The following PDE11A variants were observed in gnomAD, a reference collection of about 807,000 sequenced individuals.
PDE11A encodes dual 3',5'-cyclic-AMP and -GMP phosphodiesterase 11A.
In PDE11A, 100 loss-of-function variants were observed where a neutral mutation model predicts 100.5. That is an observed-to-expected ratio of 1.00 (90% CI 0.85 to 1.18). The LOEUF (loss-of-function observed/expected upper bound fraction) is 1.18. PDE11A is among the 50% of genes most tolerant of loss of function. PDE11A has a pLI of 0.00. For missense variants in PDE11A, 1,141 were observed against 1,152.6 expected, an observed-to-expected ratio of 0.99 and a Z score of 0.15; for synonymous variants, 381 against 420.8, an observed-to-expected ratio of 0.91 and a Z score of 1.16.
chr2:178,036,320 C>T (rs571510094), intron 1 of PDE11A, among the ~76,000 whole-genome samples: 5 of 151,922 alleles, frequency 3.3e-5, no homozygotes, highest in African/African-American at 9.6e-5. Flanking sequence ...CTTAAAGGGA[C>T]GTGAAGGACT....
intron 6 of PDE11A, among the ~76,000 whole-genome samples, chr2:177,838,284 T>A (rs531846948): frequency 3.9e-5 from 6 of 152,300 alleles, no homozygotes; most frequent in Admixed American, 1.3e-4. Flanking sequence ...AGGCCAATAA[T>A]CCAATTAGAT....
intron 17 of PDE11A, among the ~76,000 whole-genome samples, chr2:177,670,147 C>T (rs896096881): frequency 3.3e-5 from 5 of 152,312 alleles, no homozygotes; most frequent in African/African-American, 1.2e-4. Context: ...GCCAGATTCA[C>T]TGTTCATAGC....
intron 19 of PDE11A, among the ~76,000 whole-genome samples, chr2:177,640,211 A>G (rs907340359): frequency 6.6e-6 from 1 of 152,248 alleles, no homozygotes; most frequent in African/African-American, 2.4e-5. Flanking sequence ...TTTTAAAACT[A>G]TAAAGTTAGA....
intron 1 of PDE11A, among the ~76,000 whole-genome samples, chr2:178,049,486 C>A (rs1018963648): frequency 6.6e-6 from 1 of 152,160 alleles, no homozygotes; most frequent in Non-Finnish European, 1.5e-5. Flanking sequence ...CTCACTGGGG[C>A]TTGTCTGACA....
intron 10 of PDE11A, among the ~76,000 whole-genome samples, chr2:177,749,673 A>T (rs1406808538): frequency 6.6e-6 from 1 of 152,154 alleles, no homozygotes; most frequent in Non-Finnish European, 1.5e-5. Flanking sequence ...AACACATGTA[A>T]TCTGGCATAT....
intron 2 of PDE11A, among the ~76,000 whole-genome samples, chr2:177,968,019 T>C (rs1298726640): frequency 6.6e-6 from 1 of 152,216 alleles, no homozygotes; most frequent in Non-Finnish European, 1.5e-5. Flanking sequence ...TAATAAATGG[T>C]AATTCAAGCC....
intron 3 of PDE11A, chr2:177,899,546 G>C: frequency 3.1e-6 from 1 of 320,626 alleles, no homozygotes; most frequent in Non-Finnish European, 6.5e-6. Flanking sequence ...CAGGTTCTTG[G>C]TCAAACTTGA....
chr2:177,869,662 G>A (rs140051606), intron 5 of PDE11A, among the ~76,000 whole-genome samples: 98 of 152,176 alleles, frequency 6.4e-4, no homozygotes, highest in Non-Finnish European at 8.8e-5. Context: ...GTAATGTAAC[G>A]TGAATATATG....
exon 2 of PDE11A, chr2:178,104,369 C>G: frequency 6.2e-7 from 1 of 1,614,028 alleles, no homozygotes; most frequent in Non-Finnish European, 8.5e-7. Flanking sequence ...CAAAGAGGCC[C>G]CAGAGATTTG....
At chr2:177,892,892 G>T (rs1038903362) in intron 4 of PDE11A, among the ~76,000 whole-genome samples, 1 of 152,234 alleles carries the variant, frequency 6.6e-6, no homozygotes, top group African/African-American at 2.4e-5. Context: ...GGGAAAAGTT[G>T]CATTTGCCTC....
At chr2:177,738,364 T>C (rs2081823926) in intron 10 of PDE11A, among the ~76,000 whole-genome samples, 1 of 152,156 alleles carries the variant, frequency 6.6e-6, no homozygotes, top group Non-Finnish European at 1.5e-5. Flanking sequence ...TGTCCTTCTT[T>C]CTATGTCTTA....
chr2:177,688,563 C>T (rs2080992860), intron 15 of PDE11A, among the ~76,000 whole-genome samples: 1 of 147,322 alleles, frequency 6.8e-6, no homozygotes, highest in African/African-American at 2.5e-5. Flanking sequence ...ACTTCTTTGT[C>T]ATGAGGAACT....
intron 5 of PDE11A, among the ~76,000 whole-genome samples, chr2:177,860,042 C>G (rs1265896334): frequency 1.3e-5 from 2 of 151,752 alleles, no homozygotes; most frequent in Non-Finnish European, 2.9e-5. Context: ...TAACCTCACC[C>G]TCCACCTTAA....
chr2:177,998,426 G>T, intron 2 of PDE11A: 1 of 991,570 alleles, frequency 1.0e-6, no homozygotes, highest in Non-Finnish European at 1.6e-6. Context: ...TGTTCACTAG[G>T]TTAAATTCTG....
At chr2:177,695,143 A>C (rs987450053) in intron 15 of PDE11A, among the ~76,000 whole-genome samples, 1 of 151,668 alleles carries the variant, frequency 6.6e-6, no homozygotes, top group Non-Finnish European at 1.5e-5. Flanking sequence ...TATAATTGCT[A>C]GATAAAATAA....
intron 16 of PDE11A, 130 bp downstream of exon 16, chr2:177,680,696 G>A (rs908390987): frequency 5.2e-6 from 3 of 581,102 alleles, no homozygotes; most frequent in Non-Finnish European, 9.3e-6. Flanking sequence ...ACTGATCTCT[G>A]AATGTTTTGA....
intron 2 of PDE11A, among the ~76,000 whole-genome samples, chr2:178,091,065 T>TTTGTA (rs1167113932): frequency 6.6e-6 from 1 of 152,080 alleles, no homozygotes; most frequent in Non-Finnish European, 1.5e-5. Context: ...GCTAATATCT[T>TTTGTA]TTTTATTTTA....
chr2:177,782,360 A>G (rs1210176112), intron 9 of PDE11A, among the ~76,000 whole-genome samples: 1 of 152,210 alleles, frequency 6.6e-6, no homozygotes, highest in African/African-American at 2.4e-5. Context: ...GTTGCCAAAA[A>G]GTGGTTAAAA....
Position 177,752,111 on chromosome 2 carries a change from C to T in PDE11A, c.1788+17212G>A, listed in dbSNP as rs1359451277. On this transcript the variant is annotated intron_variant, in intron 10 of 19. Transcript: ENST00000286063. The stretch of plus-strand genomic sequence containing the variant: ...AAAACTCCAGCCTGAGATCAGTGAC[C>T]TGTTGAGAGCTCAGGTTTTTCATCC... Among the ~76,000 whole-genome samples, 4 of 152,186 alleles carry T rather than the reference C, an allele frequency of 2.6e-5. No homozygotes were observed. In the South Asian group the frequency reaches 6.2e-4, roughly 24 times the overall value.
Sources: gnomAD v4.1 joint callset for allele counts (sites outside exome capture counted in the v4.1 genomes callset) on GRCh38, gnomAD v4.1.1 for gene constraint, MANE v1.5 for transcripts, NCBI Gene and HGNC (gene_info 2026-07-23, HGNC 2026-07-21) for gene names.